Variants in COG5 observed in about 807,000 individuals in gnomAD.
COG5 encodes component of oligomeric golgi complex 5, also known as conserved oligomeric Golgi complex subunit 5.
In COG5, 86 loss-of-function variants were observed where a neutral mutation model predicts 110.4. That is an observed-to-expected ratio of 0.78 (90% CI 0.65 to 0.93). The LOEUF (loss-of-function observed/expected upper bound fraction) is 0.93, where lower values mean the gene tolerates loss of function less well. Among genes scored for constraint, COG5 ranks in the 40% least tolerant of loss-of-function variants. The pLI is 0.00. For missense variants in COG5, 1,077 were observed against 987.0 expected, an observed-to-expected ratio of 1.09 and a Z score of -1.22; for synonymous variants, 360 against 334.6, an observed-to-expected ratio of 1.08 and a Z score of -0.83.
chr7:107,250,487 A>G (rs868196669), intron 16 of COG5, among the ~76,000 whole-genome samples: 1 of 152,158 alleles, frequency 6.6e-6, no homozygotes, highest in Non-Finnish European at 1.5e-5. Context: ...TAACATTCAC[A>G]GTGTTCAGGA....
chr7:107,486,510 A>T (rs1797666362), intron 6 of COG5, among the ~76,000 whole-genome samples: 1 of 152,154 alleles, frequency 6.6e-6, no homozygotes, highest in Non-Finnish European at 1.5e-5. Flanking sequence ...TCAAAGACAC[A>T]GTCTTGGAAA....
chr7:107,204,428 T>C (rs190201541), intron 21 of COG5, among the ~76,000 whole-genome samples: 193 of 151,586 alleles, frequency 1.3e-3, no homozygotes, highest in Non-Finnish European at 5.6e-4. Context: ...ATCGTCTGTT[T>C]AAGTGGAGCT....
At chr7:107,506,412 G>A (rs530320956) in intron 6 of COG5, among the ~76,000 whole-genome samples, 2 of 152,258 alleles carry the variant, frequency 1.3e-5, no homozygotes, top group South Asian at 4.1e-4. Context: ...TGGGGGCTGG[G>A]GTCAGGCAGG....
chr7:107,298,440 T>G, intron 11 of COG5, 94 bp from the exon 12 acceptor site: 1 of 983,636 alleles, frequency 1.0e-6, no homozygotes, highest in Non-Finnish European at 1.5e-6. Context: ...TAACCCATAC[T>G]ATAGGGCAAA....
chr7:107,294,458 C>T (rs2116884547), intron 12 of COG5, among the ~76,000 whole-genome samples: 2 of 152,282 alleles, frequency 1.3e-5, no homozygotes, highest in South Asian at 4.1e-4. Flanking sequence ...TGCTGGCCCC[C>T]CCTAAGTTGT....
intron 8 of COG5, among the ~76,000 whole-genome samples, chr7:107,364,814 T>C (rs2129047227): frequency 6.6e-6 from 1 of 152,276 alleles, no homozygotes; most frequent in African/African-American, 2.4e-5. Flanking sequence ...TAGCAAGCAA[T>C]AAAATAATCT....
chr7:107,452,012 A>G (rs952906079), intron 6 of COG5, among the ~76,000 whole-genome samples: 35 of 152,200 alleles, frequency 2.3e-4, no homozygotes, highest in African/African-American at 8.4e-4. Flanking sequence ...CATTCCTCCT[A>G]CGAATGGTTC....
intron 6 of COG5, among the ~76,000 whole-genome samples, chr7:107,437,538 G>A (rs1306913195): frequency 6.6e-6 from 1 of 152,128 alleles, no homozygotes; most frequent in Non-Finnish European, 1.5e-5. Context: ...TGCTCTTTCA[G>A]ATACTTAAAG....
At chr7:107,266,096 G>A (rs1803778886) in intron 14 of COG5, among the ~76,000 whole-genome samples, 1 of 151,932 alleles carries the variant, frequency 6.6e-6, no homozygotes, top group Non-Finnish European at 1.5e-5. Context: ...ACGTGTGTGT[G>A]AGAGAGTTTG....
At chr7:107,349,684 A>G (rs954713607) in intron 10 of COG5, among the ~76,000 whole-genome samples, 4 of 152,062 alleles carry the variant, frequency 2.6e-5, no homozygotes, top group African/African-American at 9.7e-5. Context: ...CAGCCTCCCA[A>G]GTAGCTGGTA....
chr7:107,479,268 A>G (rs1257184943), intron 6 of COG5, among the ~76,000 whole-genome samples: 1 of 152,144 alleles, frequency 6.6e-6, no homozygotes, highest in Non-Finnish European at 1.5e-5. Flanking sequence ...AAGGTAATAC[A>G]GTAGCGAGAA....
intron 6 of COG5, among the ~76,000 whole-genome samples, chr7:107,452,632 T>A (rs1316706785): frequency 6.6e-6 from 1 of 152,186 alleles, no homozygotes; most frequent in Admixed American, 6.5e-5. Context: ...ATGAGAGACA[T>A]GACTTTCTCT....
At chr7:107,291,306 G>A (rs1346005244) in intron 12 of COG5, among the ~76,000 whole-genome samples, 5 of 151,942 alleles carry the variant, frequency 3.3e-5, no homozygotes, top group African/African-American at 1.2e-4. Flanking sequence ...TCAAGTTGGT[G>A]AATTCTTTTC....
chr7:107,438,780 T>C (rs1469800212), intron 6 of COG5, among the ~76,000 whole-genome samples: 1 of 152,136 alleles, frequency 6.6e-6, no homozygotes, highest in Non-Finnish European at 1.5e-5. Context: ...TGAGAAGGAA[T>C]ATAATTTAGA....
At chr7:107,216,898 A>T (rs912718355) in intron 19 of COG5, among the ~76,000 whole-genome samples, 1 of 152,174 alleles carries the variant, frequency 6.6e-6, no homozygotes, top group Non-Finnish European at 1.5e-5. Flanking sequence ...GAGCAGAAAT[A>T]AATACAGACT....
At position 107,529,540 on chromosome 7, in the gene COG5, T is replaced by C. The variant is rs184566143; in HGVS notation, c.418-2183A>G. Among the ~76,000 whole-genome samples, 6 of 152,260 alleles carry C rather than the reference T, an allele frequency of 3.9e-5. No individual in the cohort carries two copies. The East Asian group carries it at 9.6e-4, about 24-fold the overall frequency. On this transcript the variant is annotated intron_variant, in intron 5 of 21. Transcript: ENST00000297135. The stretch of plus-strand genomic sequence containing the variant: ...GAAGAAAGCCTCAGGTGGGCATGCA[T>C]AGAAATTCCTAAACACACTGCCTGT...
At chr7:107,373,421 A>C (rs1814358709) in intron 7 of COG5, among the ~76,000 whole-genome samples, 1 of 152,192 alleles carries the variant, frequency 6.6e-6, no homozygotes, top group African/African-American at 2.4e-5. Flanking sequence ...TATGATGGGA[A>C]TTATTATACA....
At chr7:107,514,524 C>A (rs1361031263) in intron 6 of COG5, among the ~76,000 whole-genome samples, 1 of 152,030 alleles carries the variant, frequency 6.6e-6, no homozygotes, top group African/African-American at 2.4e-5. Flanking sequence ...CACTGGGAGA[C>A]CTACCAATAG....
At chr7:107,497,109 C>A (rs1798327184) in intron 6 of COG5, among the ~76,000 whole-genome samples, 1 of 152,090 alleles carries the variant, frequency 6.6e-6, no homozygotes, top group Non-Finnish European at 1.5e-5. Flanking sequence ...ACTCAAGTGG[C>A]TGAGGCAAGA....
Sources: allele counts gnomAD v4.1 joint callset (sites outside exome capture counted in the v4.1 genomes callset), GRCh38; gene constraint gnomAD v4.1.1; transcripts MANE v1.5; gene names NCBI Gene and HGNC (gene_info 2026-07-23, HGNC 2026-07-21).